The following RAB6A variants were observed in gnomAD, a reference collection of about 807,000 sequenced individuals.
RAB6A encodes ras-related protein Rab-6A.
A neutral mutation model predicts 32.3 loss-of-function variants in RAB6A; 8 were observed. The ratio of observed to expected loss-of-function variants is 0.25; its 90% CI spans 0.15 to 0.45. The LOEUF is 0.45. Among genes scored for constraint, RAB6A ranks in the 20% least tolerant of loss-of-function variants. The pLI is 1.00. For synonymous variants in RAB6A, 73 were observed against 82.1 expected (o/e 0.89, Z 0.60); for missense variants, 104 against 249.4 (o/e 0.42, Z 3.93).
chr11:73,684,078 A>G (rs1316309155), intron 6 of RAB6A, among the ~76,000 whole-genome samples: 1 of 152,232 alleles, frequency 6.6e-6, no homozygotes, highest in Non-Finnish European at 1.5e-5. Context: ...CCAACAGCAA[A>G]AACATTATGA....
At chr11:73,696,855 T>TG (rs139722504) in intron 6 of RAB6A, among the ~76,000 whole-genome samples, 1,631 of 152,138 alleles carry the variant, frequency 0.011, 25 homozygotes, top group African/African-American at 0.035. Context: ...CCTCCCACCT[T>TG]GGCCTCCCAA....
At chr11:73,702,982 G>A (rs558023341) in intron 6 of RAB6A, among the ~76,000 whole-genome samples, 5 of 151,694 alleles carry the variant, frequency 3.3e-5, no homozygotes, top group African/African-American at 9.7e-5. Context: ...TCAGACTCCC[G>A]AGTAGCTGGG....
At chr11:73,678,626 C>G (rs956709353) in intron 7 of RAB6A, among the ~76,000 whole-genome samples, 1 of 151,422 alleles carries the variant, frequency 6.6e-6, no homozygotes, top group African/African-American at 2.4e-5. Context: ...CAAAAAAAAA[C>G]GGCGGTGGGC....
intron 3 of RAB6A, among the ~76,000 whole-genome samples, chr11:73,720,541 T>C (rs1013996411): frequency 1.3e-5 from 2 of 152,204 alleles, no homozygotes; most frequent in Non-Finnish European, 2.9e-5. Flanking sequence ...AAAAAAAATC[T>C]TGAAGTTCAC....
intron 1 of RAB6A, among the ~76,000 whole-genome samples, chr11:73,739,283 A>AT (rs1176132484): frequency 2.4e-3 from 99 of 40,858 alleles, no homozygotes; most frequent in African/African-American, 4.3e-3. Flanking sequence ...AAAAAAAAAA[A>AT]AATATATATA....
At chr11:73,713,767 T>C (rs868050756) in intron 5 of RAB6A, among the ~76,000 whole-genome samples, 4 of 152,170 alleles carry the variant, frequency 2.6e-5, no homozygotes, top group Admixed American at 6.6e-5. Context: ...AAAATCATTT[T>C]AGTGGAACGA....
chr11:73,713,427 G>A (rs534438174), intron 5 of RAB6A, among the ~76,000 whole-genome samples: 7 of 152,210 alleles, frequency 4.6e-5, no homozygotes, highest in Non-Finnish European at 7.4e-5. Context: ...AAAATTAGCC[G>A]GGCATGCTGG....
intron 1 of RAB6A, among the ~76,000 whole-genome samples, chr11:73,732,545 C>T (rs2134976268): frequency 6.6e-6 from 1 of 152,276 alleles, no homozygotes; most frequent in African/African-American, 2.4e-5. Context: ...GAGACTGCGC[C>T]ACCGCGCTCC....
intron 6 of RAB6A, among the ~76,000 whole-genome samples, chr11:73,691,826 A>G (rs944670582): frequency 2.0e-5 from 3 of 152,130 alleles, no homozygotes; most frequent in African/African-American, 7.2e-5. Flanking sequence ...CAAAAAAATT[A>G]GCTGGGCATG....
At chr11:73,710,527 C>T (rs1162990085) in intron 5 of RAB6A, among the ~76,000 whole-genome samples, 9 of 151,626 alleles carry the variant, frequency 5.9e-5, no homozygotes, top group Admixed American at 5.3e-4. Flanking sequence ...CATTTGAGGT[C>T]AGAGTTCAAG....
chr11:73,738,592 T>C (rs141643284), intron 1 of RAB6A, among the ~76,000 whole-genome samples: 108 of 152,244 alleles, frequency 7.1e-4, no homozygotes, highest in Non-Finnish European at 1.3e-3. Flanking sequence ...GCAACTACTA[T>C]AAACTGTGAT....
chr11:73,686,715 A>G (rs1945462343), intron 6 of RAB6A, among the ~76,000 whole-genome samples: 1 of 152,184 alleles, frequency 6.6e-6, no homozygotes, highest in Non-Finnish European at 1.5e-5. Flanking sequence ...TAAATAATGA[A>G]AATAGGTTCT....
chr11:73,748,462 T>G (rs779402571), intron 1 of RAB6A, among the ~76,000 whole-genome samples: 28 of 152,182 alleles, frequency 1.8e-4, no homozygotes, highest in Non-Finnish European at 3.7e-4. Flanking sequence ...CAGTGAGCTA[T>G]GGCTGCACCA....
rs942768960 is a variant in RAB6A at position 73,733,178 on chromosome 11, T to G, written c.71-2355A>C. On this transcript the variant is annotated intron_variant, in intron 1 of 7. Coordinates refer to ENST00000336083, the MANE Select transcript of RAB6A (RefSeq NM_198896.2). ...GCAGAAGCTGCTTCTGCTGTTACAT[T>G]GATTTTTTTGTTGTTGTTGTTTTAA... 3.9e-5 allele frequency among the ~76,000 whole-genome samples: 6 copies of G among 152,304 alleles called. No homozygotes were observed. The East Asian group carries it at 1.2e-3, about 29-fold the overall frequency.
At chr11:73,705,920 T>C (rs1945834135) in intron 6 of RAB6A, among the ~76,000 whole-genome samples, 1 of 151,680 alleles carries the variant, frequency 6.6e-6, no homozygotes, top group Admixed American at 6.6e-5. Flanking sequence ...TCAGAGAAAA[T>C]GTTGCTGAGG....
chr11:73,726,284 C>CAA (rs1268493545), intron 2 of RAB6A, among the ~76,000 whole-genome samples: 22 of 50,982 alleles, frequency 4.3e-4, no homozygotes, highest in African/African-American at 1.2e-3. Flanking sequence ...GACTCCGTCT[C>CAA]AAAAAAAAAA....
intron 2 of RAB6A, among the ~76,000 whole-genome samples, chr11:73,728,642 A>ATAATAATAATAATAG: frequency 6.7e-6 from 1 of 148,174 alleles, no homozygotes; most frequent in East Asian, 1.9e-4. Flanking sequence ...AATAATAATA[A>ATAATAATAATAATAG]TAATAAATGA....
At chr11:73,711,475 G>A (rs1372399520) in intron 5 of RAB6A, among the ~76,000 whole-genome samples, 1 of 152,104 alleles carries the variant, frequency 6.6e-6, no homozygotes, top group Non-Finnish European at 1.5e-5. Flanking sequence ...TCCTTTAAAA[G>A]GATGTTCGTA....
At chr11:73,741,941 G>A (rs1946502468) in intron 1 of RAB6A, among the ~76,000 whole-genome samples, 1 of 152,140 alleles carries the variant, frequency 6.6e-6, no homozygotes, top group African/African-American at 2.4e-5. Context: ...GACATATAGG[G>A]ACAAGAAGGG....
Sources: allele counts gnomAD v4.1 joint callset (sites outside exome capture counted in the v4.1 genomes callset), GRCh38; gene constraint gnomAD v4.1.1; transcripts MANE v1.5; gene names NCBI Gene and HGNC (gene_info 2026-07-23, HGNC 2026-07-21).